Variants in CCL18 observed in about 807,000 individuals in gnomAD.
CCL18 encodes the protein C-C motif chemokine 18.
CCL18 carries 7 observed loss-of-function variants against 8.0 expected under a neutral mutation model. That is an observed-to-expected ratio of 0.87 (90% CI 0.50 to 1.64). The LOEUF (loss-of-function observed/expected upper bound fraction) is 1.64. Among genes scored for constraint, CCL18 ranks in the 40% most tolerant of loss-of-function variants. CCL18 has a pLI of 0.00. For missense variants in CCL18, 95 were observed against 107.8 expected (o/e 0.88, Z 0.52); for synonymous variants, 35 against 41.3 (o/e 0.85, Z 0.59).
At position 36,064,323 on chromosome 17, in the gene CCL18, T is replaced by C. The variant is rs2066825708; in HGVS notation, c.-20T>C. 2 of 1,611,872 alleles carry C rather than the reference T, an allele frequency of 1.2e-6. No homozygotes were observed. The highest frequency in any genetic ancestry group is 1.7e-6 in the Non-Finnish European group (2 of 1,177,982). Reference sequence around the variant, plus strand: ...CCAAGCCCCAGCTCACTCTGACCACTTCTCTGCCTGCCCAGCATCATGAAG... The same window carrying C: ...CCAAGCCCCAGCTCACTCTGACCACCTCTCTGCCTGCCCAGCATCATGAAG... On this transcript the variant is annotated 5_prime_UTR_variant, in exon 1 of 3. Transcript: ENST00000616054.
rs146548330 is a variant in CCL18, at chr17:36,069,937, G to A, written c.68-510G>A. Among the ~76,000 whole-genome samples, 12 of 152,296 alleles carry A rather than the reference G, an allele frequency of 7.9e-5. No individual in the cohort carries two copies. The East Asian group carries it at 1.9e-3, about 24-fold the overall frequency. The stretch of plus-strand genomic sequence containing the variant: ...GACCTCCAAATACAGAACATCAGAG[G>A]GATTTCAGGGACTATTTCCCGAGGA... On this transcript the variant is annotated intron_variant, in intron 1 of 2. Transcript: ENST00000616054.
chr17:36,070,240 A>C, intron 1 of CCL18: 1 of 539,400 alleles, frequency 1.9e-6, no homozygotes, highest in Non-Finnish European at 3.3e-6. Flanking sequence ...CAGCCAGAGA[A>C]TGAGAAACAC....
chr17:36,070,330 C>T (rs1425784661), intron 1 of CCL18, 117 bp from the exon 2 acceptor site: 9 of 625,286 alleles, frequency 1.4e-5, no homozygotes, highest in Non-Finnish European at 2.6e-5. Flanking sequence ...GTCCCTATAT[C>T]CCCACCCCAA....
chr17:36,070,716 C>T (rs2066861086), intron 2 of CCL18, among the ~76,000 whole-genome samples, 158 bp downstream of exon 2: 1 of 152,218 alleles, frequency 6.6e-6, no homozygotes, highest in South Asian at 2.1e-4. Context: ...CCTGCAGAGT[C>T]CTGAAGGGCC....
chr17:36,068,989 A>C (rs2066851232), intron 1 of CCL18, among the ~76,000 whole-genome samples: 1 of 151,824 alleles, frequency 6.6e-6, no homozygotes, highest in Admixed American at 6.6e-5. Context: ...CGTCCAAAGA[A>C]GCTGAAACTA....
At chr17:36,066,500 C>G (rs892604886) in intron 1 of CCL18, among the ~76,000 whole-genome samples, 17 of 152,192 alleles carry the variant, frequency 1.1e-4, no homozygotes, top group Non-Finnish European at 2.4e-4. Flanking sequence ...CTGGGGATGA[C>G]CAGAGGGGAA....
chr17:36,066,295 G>A (rs1274033004), intron 1 of CCL18, among the ~76,000 whole-genome samples: 1 of 152,224 alleles, frequency 6.6e-6, no homozygotes, highest in Non-Finnish European at 1.5e-5. Flanking sequence ...TCACGGGACA[G>A]ATGAGACTTG....
chr17:36,067,274 G>A (rs1392933936), intron 1 of CCL18, among the ~76,000 whole-genome samples: 3 of 152,164 alleles, frequency 2.0e-5, no homozygotes, highest in Non-Finnish European at 4.4e-5. Context: ...TATAGATCAG[G>A]AGCCTTAGAT....
At chr17:36,065,050 T>A (rs2066830102) in intron 1 of CCL18, among the ~76,000 whole-genome samples, 1 of 152,230 alleles carries the variant, frequency 6.6e-6, no homozygotes, top group South Asian at 2.1e-4. Context: ...GTTGTCTTTG[T>A]TCCCTCAGAT....
intron 1 of CCL18, among the ~76,000 whole-genome samples, chr17:36,066,645 TGA>T (rs1798345075): frequency 6.6e-6 from 1 of 152,164 alleles, no homozygotes; most frequent in African/African-American, 2.4e-5. Flanking sequence ...TTTTTGACAG[TGA>T]GAGAGGGTGA....
chr17:36,071,143 C>T lies in CCL18; in HGVS notation c.*102C>T, dbSNP rs1469499945. On this transcript the variant is annotated 3_prime_UTR_variant, in exon 3 of 3. Transcript: ENST00000616054. ...CCTGCCACCCTGGAGGCTACCTCTT[C>T]TAAGAGTCCCATCTGCTATGCCCAG... 1.6e-5 allele frequency: 11 copies of T among 693,102 alleles called. No homozygotes were observed. The Admixed American group carries it at 2.8e-4, about 18-fold the overall frequency. The allele number at this position is 693,102 out of a possible 1,614,324, so 42.9% of individuals were successfully genotyped here. A position where few individuals can be genotyped will look rare whatever the true frequency, so the allele number is the denominator to read the frequency against.
At chr17:36,067,502 C>T (rs1009764753) in intron 1 of CCL18, among the ~76,000 whole-genome samples, 3 of 152,148 alleles carry the variant, frequency 2.0e-5, no homozygotes, top group African/African-American at 4.8e-5. Flanking sequence ...GCCTGGCCAA[C>T]ATGGTGAAAC....
chr17:36,067,410 G>C (rs534197527), intron 1 of CCL18, among the ~76,000 whole-genome samples: 2 of 152,286 alleles, frequency 1.3e-5, no homozygotes, highest in Admixed American at 6.5e-5. Flanking sequence ...AAATTGGCCA[G>C]GTGCAGTGGC....
At chr17:36,064,575 T>A (rs1342931454) in intron 1 of CCL18, among the ~76,000 whole-genome samples, 166 bp downstream of exon 1, 1 of 152,174 alleles carries the variant, frequency 6.6e-6, no homozygotes, top group African/African-American at 2.4e-5. Flanking sequence ...AGTCTATTGA[T>A]CTGGGCAGCA....
chr17:36,068,900 C>T (rs2066850733), intron 1 of CCL18, among the ~76,000 whole-genome samples: 1 of 152,062 alleles, frequency 6.6e-6, no homozygotes, highest in Non-Finnish European at 1.5e-5. Context: ...TACTCTGTTG[C>T]CCAGGCTGGA....
intron 1 of CCL18, among the ~76,000 whole-genome samples, chr17:36,066,603 G>A (rs2142051139): frequency 6.6e-6 from 1 of 152,362 alleles, no homozygotes; most frequent in South Asian, 2.1e-4. Context: ...CAACTCAACT[G>A]CTCACTTGTT....
At chr17:36,070,876 CAG>C in intron 2 of CCL18, 73 bp from the exon 3 acceptor site, 1 of 1,124,146 alleles carries the variant, frequency 8.9e-7, no homozygotes, top group Non-Finnish European at 1.4e-6. Context: ...ATGCCTGGGA[CAG>C]AGAAGGACGC....
At position 36,071,093 on chromosome 17, in the gene CCL18, C is replaced by T; in HGVS notation, c.*52C>T. On this transcript the variant is annotated 3_prime_UTR_variant, in exon 3 of 3. Coordinates refer to ENST00000616054, the MANE Select transcript of CCL18 (RefSeq NM_002988.4). ...TGAACTTGGTGGGCCCAGGAGGGAA[C>T]AGGAGCCTGAGCCAGGGCAATGGCC... is the stretch of plus-strand genomic sequence containing the variant. 2.3e-6 allele frequency: 3 copies of T among 1,331,792 alleles called. No individual in the cohort carries two copies. The highest frequency in any genetic ancestry group is 3.2e-6 in the Non-Finnish European group (3 of 935,332). 82.5% of individuals were successfully genotyped at this position (1,331,792 alleles called of 1,614,324 possible). A position where few individuals can be genotyped will look rare whatever the true frequency, so the allele number is the denominator to read the frequency against.
rs2066868212 is a variant in CCL18 at position 36,071,760 on chromosome 17, T to C, written c.*719T>C. The C allele has an allele frequency of 1.3e-5, 2 of 152,240 alleles. No individual in the cohort carries two copies. Among genetic ancestry groups the C allele is most frequent in the African/African-American group, 4.8e-5 (2 of 41,462 alleles). 9.4% of individuals were successfully genotyped at this position (152,240 alleles called of 1,614,324 possible). A position where few individuals can be genotyped will look rare whatever the true frequency, so the allele number is the denominator to read the frequency against. On this transcript the variant is annotated 3_prime_UTR_variant, in exon 3 of 3. Transcript: ENST00000616054. ...CATATTTACGCACACAAGCTCATTT[T>C]CATAAATGAAGCTTTCCTCAGAATG...
Sources: allele counts gnomAD v4.1 joint callset (sites outside exome capture counted in the v4.1 genomes callset), GRCh38; gene constraint gnomAD v4.1.1; transcripts MANE v1.5; gene names NCBI Gene and HGNC (gene_info 2026-07-23, HGNC 2026-07-21).